The following ULK4 variants were observed in gnomAD, a reference collection of about 807,000 sequenced individuals.
ULK4 encodes unc-51 like kinase 4, also known as inactive serine/threonine-protein kinase ULK4.
In ULK4, 133 loss-of-function variants were observed where a neutral mutation model predicts 160.6. That is an observed-to-expected ratio of 0.83 (90% confidence interval 0.72 to 0.96). The LOEUF (loss-of-function observed/expected upper bound fraction) is 0.96, where lower values mean the gene tolerates loss of function less well. ULK4 is among the 40% of genes least tolerant of loss of function. The pLI, the probability that ULK4 is intolerant of heterozygous loss-of-function variation, is 0.00. For synonymous variants in ULK4, 534 were observed against 539.8 expected (o/e 0.99, Z 0.15); for missense variants, 1,580 against 1,499.5 (o/e 1.05, Z -0.89).
At chr3:41,525,219 G>A (rs1191576356) in intron 32 of ULK4, among the ~76,000 whole-genome samples, 2 of 152,180 alleles carry the variant, frequency 1.3e-5, no homozygotes, top group African/African-American at 2.4e-5. Context: ...TAGCACCTCA[G>A]TAAGGCTAAA....
chr3:41,661,505 A>T (rs1005080658), intron 30 of ULK4, among the ~76,000 whole-genome samples: 1 of 113,088 alleles, frequency 8.8e-6, no homozygotes, highest in Non-Finnish European at 1.6e-5. Flanking sequence ...AGATAGATAG[A>T]TAGATGATAG....
At chr3:41,828,880 A>T (rs2041466697) in intron 18 of ULK4, among the ~76,000 whole-genome samples, 1 of 152,078 alleles carries the variant, frequency 6.6e-6, no homozygotes, top group Admixed American at 6.6e-5. Context: ...GCATCACGCT[A>T]CCTGACTTCA....
chr3:41,283,235 G>A (rs940322788), intron 35 of ULK4, among the ~76,000 whole-genome samples: 8 of 152,214 alleles, frequency 5.3e-5, no homozygotes, highest in South Asian at 2.1e-4. Flanking sequence ...GGAAGACAGC[G>A]TGGTGATTCC....
At chr3:41,525,340 T>A (rs546730830) in intron 32 of ULK4, among the ~76,000 whole-genome samples, 1 of 152,114 alleles carries the variant, frequency 6.6e-6, no homozygotes, top group African/African-American at 2.4e-5. Flanking sequence ...ATTTCTTAAT[T>A]GAATAGCAAG....
At chr3:41,502,932 G>A (rs4258937) in intron 32 of ULK4, among the ~76,000 whole-genome samples, 127,719 of 152,104 alleles carry the variant, frequency 0.84, 54,917 homozygotes, top group Non-Finnish European at 0.94. Flanking sequence ...TATCTCAATA[G>A]ACCTGGTTAA....
At chr3:41,261,616 C>T (rs1308167749) in intron 35 of ULK4, among the ~76,000 whole-genome samples, 1 of 152,194 alleles carries the variant, frequency 6.6e-6, no homozygotes, top group African/African-American at 2.4e-5. Context: ...CACTGCTCTG[C>T]CGGCCATCTC....
chr3:41,871,138 C>T (rs1186271304), intron 17 of ULK4, among the ~76,000 whole-genome samples: 1 of 152,148 alleles, frequency 6.6e-6, no homozygotes, highest in African/African-American at 2.4e-5. Flanking sequence ...ATTACCAAGT[C>T]TTGGGTATTT....
intron 33 of ULK4, among the ~76,000 whole-genome samples, chr3:41,462,454 G>A (rs1476775106): frequency 6.6e-6 from 1 of 152,114 alleles, no homozygotes; most frequent in Non-Finnish European, 1.5e-5. Context: ...AAATAAAACA[G>A]GCATAGGAAA....
intron 35 of ULK4, among the ~76,000 whole-genome samples, chr3:41,375,194 A>C (rs974197630): frequency 1.3e-5 from 2 of 152,234 alleles, no homozygotes; most frequent in African/African-American, 4.8e-5. Context: ...GTATTGTGAG[A>C]ACAGCCATAC....
In ULK4 at chr3:41,274,794, C is replaced by T. The variant is rs17054848; in HGVS notation, c.3679-25220G>A. 3.6e-3 allele frequency among the ~76,000 whole-genome samples: 546 copies of T among 152,276 alleles called. 5 individuals carry two copies. The highest frequency in any genetic ancestry group is 0.012 in the African/African-American group (506 of 41,548). ...AGCTGTGTTCCAATTTGATATTGCT[C>T]CAATTTGCTGGCATTTCTCTGAGTC... On this transcript the variant is annotated intron_variant, in intron 35 of 36. Coordinates refer to ENST00000301831, the MANE Select transcript of ULK4 (RefSeq NM_017886.4).
At chr3:41,533,573 G>T (rs2086395996) in intron 32 of ULK4, among the ~76,000 whole-genome samples, 1 of 152,184 alleles carries the variant, frequency 6.6e-6, no homozygotes, top group Non-Finnish European at 1.5e-5. Flanking sequence ...ACCTAATTCT[G>T]TAAATAAAAT....
intron 33 of ULK4, among the ~76,000 whole-genome samples, chr3:41,461,276 T>C (rs1040902167): frequency 3.9e-5 from 6 of 152,222 alleles, no homozygotes; most frequent in African/African-American, 9.6e-5. Flanking sequence ...TTATTAGAAA[T>C]AGATACAGGT....
chr3:41,407,655 G>C (rs1323589603), intron 34 of ULK4, among the ~76,000 whole-genome samples: 1 of 152,130 alleles, frequency 6.6e-6, no homozygotes, highest in Non-Finnish European at 1.5e-5. Context: ...CACAAAAGCA[G>C]CATTTCACAA....
At chr3:41,566,754 G>A (rs1053837101) in intron 31 of ULK4, among the ~76,000 whole-genome samples, 3 of 152,124 alleles carry the variant, frequency 2.0e-5, no homozygotes, top group Non-Finnish European at 4.4e-5. Context: ...TTTTTAAAGG[G>A]TCTTACAAAC....
intron 19 of ULK4, among the ~76,000 whole-genome samples, chr3:41,802,390 C>A (rs531103623): frequency 6.6e-6 from 1 of 152,210 alleles, no homozygotes; most frequent in South Asian, 2.1e-4. Flanking sequence ...CTCAATCTCC[C>A]AGCTCAAGCA....
chr3:41,646,308 C>T (rs542062796), intron 30 of ULK4, among the ~76,000 whole-genome samples: 1 of 152,326 alleles, frequency 6.6e-6, no homozygotes, highest in East Asian at 1.9e-4. Flanking sequence ...TACACTTTGG[C>T]ATGATTTTGC....
chr3:41,803,647 C>T (rs1269063692), intron 19 of ULK4, among the ~76,000 whole-genome samples: 1 of 152,154 alleles, frequency 6.6e-6, no homozygotes, highest in East Asian at 1.9e-4. Flanking sequence ...CCCCCTACCC[C>T]ACAACAGTCC....
intron 32 of ULK4, among the ~76,000 whole-genome samples, chr3:41,490,751 G>A (rs772941655): frequency 1.3e-5 from 2 of 152,086 alleles, no homozygotes; most frequent in Admixed American, 6.6e-5. Flanking sequence ...GAATATTAAA[G>A]GTATTCATTG....
rs550113778 is a variant in ULK4, at chr3:41,604,555, C to A, written c.3120+11114G>T. The stretch of plus-strand genomic sequence containing the variant: ...GAGTCATTAAACATACATGAAATAT[C>A]TGGGCCCTACATATTCATAATACAC... On this transcript the variant is annotated intron_variant, in intron 31 of 36. Transcript: ENST00000301831. 2.6e-5 allele frequency among the ~76,000 whole-genome samples: 4 copies of A among 152,214 alleles called. No individual in the cohort carries two copies. The South Asian group carries it at 8.3e-4, about 32-fold the overall frequency.
Sources: gnomAD v4.1 joint callset for allele counts (sites outside exome capture counted in the v4.1 genomes callset) on GRCh38, gnomAD v4.1.1 for gene constraint, MANE v1.5 for transcripts, NCBI Gene and HGNC (gene_info 2026-07-23, HGNC 2026-07-21) for gene names.